Variants in ZPBP observed in about 807,000 individuals in gnomAD.
The protein encoded by ZPBP is zona pellucida binding protein.
A neutral mutation model predicts 44.8 loss-of-function variants in ZPBP; 26 were observed. That is an observed-to-expected ratio of 0.58 (90% CI 0.43 to 0.81). The LOEUF is 0.81. Among genes scored for constraint, ZPBP ranks in the 30% least tolerant of loss-of-function variants. The pLI is 0.00. For synonymous variants in ZPBP, 174 were observed against 153.2 expected, an observed-to-expected ratio of 1.14 and a Z score of -1.00; for missense variants, 409 against 434.0, an observed-to-expected ratio of 0.94 and a Z score of 0.51.
rs141043550 is a variant in ZPBP at position 50,092,190 on chromosome 7, C to T, written c.127+878G>A. Among the ~76,000 whole-genome samples the T allele has an allele frequency of 8.0e-3, 1,226 of 152,306 alleles. 18 individuals are homozygous for T. Among genetic ancestry groups the T allele is most frequent in the South Asian group, 0.068 (327 of 4,826 alleles). On this transcript the variant is annotated intron_variant, in intron 1 of 7. Coordinates refer to ENST00000046087, the MANE Select transcript of ZPBP (RefSeq NM_007009.3). Reference sequence around the variant, plus strand: ...CCCTTTCACACCTAATACACGACCACGACCCATATCCAAGAAGCATCTTTC... The same window carrying T: ...CCCTTTCACACCTAATACACGACCATGACCCATATCCAAGAAGCATCTTTC...
At chr7:50,036,895 C>CA (rs914603784) in intron 4 of ZPBP, among the ~76,000 whole-genome samples, 1 of 151,070 alleles carries the variant, frequency 6.6e-6, no homozygotes, top group African/African-American at 2.4e-5. Flanking sequence ...CTGAGAAATA[C>CA]AAAAAATAAT....
At chr7:49,869,442 AGGGTAGCAAATC>A (rs1791041321) in intron 2 of ZPBP, among the ~76,000 whole-genome samples, 1 of 152,242 alleles carries the variant, frequency 6.6e-6, no homozygotes, top group African/African-American at 2.4e-5. Context: ...AGCCTACACT[AGGGTAGCAAATC>A]GGATATAGGG....
chr7:49,856,305 G>A (rs1274103447), intron 2 of ZPBP, among the ~76,000 whole-genome samples: 1 of 152,076 alleles, frequency 6.6e-6, no homozygotes, highest in African/African-American at 2.4e-5. Context: ...TATCTCAAGT[G>A]AAATCTGGTT....
intron 7 of ZPBP, among the ~76,000 whole-genome samples, chr7:49,971,129 C>T (rs7800976): frequency 0.46 from 70,542 of 151,780 alleles, 16,675 homozygotes; most frequent in Non-Finnish European, 0.5. Context: ...AAGACTTATG[C>T]CATCCAGCAA....
At chr7:49,873,909 A>T (rs949828442) in intron 2 of ZPBP, among the ~76,000 whole-genome samples, 2 of 150,478 alleles carry the variant, frequency 1.3e-5, no homozygotes, top group Non-Finnish European at 3.0e-5. Context: ...AATTAAGTAA[A>T]AAAAAAAAAC....
At chr7:49,939,847 T>C (rs1266676487) in intron 7 of ZPBP, among the ~76,000 whole-genome samples, 1 of 152,106 alleles carries the variant, frequency 6.6e-6, no homozygotes, top group Non-Finnish European at 1.5e-5. Context: ...ATACTTTGTG[T>C]TTCTCTGAAG....
chr7:49,884,966 A>T (rs1368351715), intron 2 of ZPBP, among the ~76,000 whole-genome samples: 1 of 152,150 alleles, frequency 6.6e-6, no homozygotes, highest in Non-Finnish European at 1.5e-5. Flanking sequence ...AAATAAAAAG[A>T]TGAAAAGTAT....
At chr7:50,023,637 C>G (rs1799195357) in intron 5 of ZPBP, among the ~76,000 whole-genome samples, 1 of 151,964 alleles carries the variant, frequency 6.6e-6, no homozygotes, top group Non-Finnish European at 1.5e-5. Flanking sequence ...CAATTAAACA[C>G]AGTTTCAAGA....
chr7:49,932,619 T>C (rs908490482), downstream of ZPBP, among the ~76,000 whole-genome samples: 5 of 152,150 alleles, frequency 3.3e-5, no homozygotes, highest in Non-Finnish European at 7.3e-5. Context: ...TTGTCTCAGA[T>C]TGAGTTAATG....
At chr7:50,036,940 T>C (rs945958679) in intron 4 of ZPBP, among the ~76,000 whole-genome samples, 1 of 151,772 alleles carries the variant, frequency 6.6e-6, no homozygotes, top group Non-Finnish European at 1.5e-5. Context: ...AAATCCATGA[T>C]ACATAAAGAA....
intron 2 of ZPBP, among the ~76,000 whole-genome samples, chr7:49,884,980 A>G (rs879884173): frequency 3.3e-5 from 5 of 152,156 alleles, no homozygotes; most frequent in African/African-American, 9.6e-5. Context: ...AAAGTATCAA[A>G]TTTTTGAAAT....
At chr7:50,086,959 C>T (rs919544460) in intron 2 of ZPBP, among the ~76,000 whole-genome samples, 2 of 151,808 alleles carry the variant, frequency 1.3e-5, no homozygotes, top group African/African-American at 2.4e-5. Flanking sequence ...GCAACTTATC[C>T]CACACAAGTA....
chr7:49,847,434 G>T (rs2128715225), downstream of ZPBP, among the ~76,000 whole-genome samples: 1 of 152,160 alleles, frequency 6.6e-6, no homozygotes, highest in South Asian at 2.1e-4. Context: ...GAGCCTTGCA[G>T]GGATCCCTGA....
chr7:49,939,587 CA>C (rs997049171), intron 7 of ZPBP, among the ~76,000 whole-genome samples: 4 of 150,624 alleles, frequency 2.7e-5, no homozygotes, highest in African/African-American at 7.3e-5. Flanking sequence ...TGATAAAGTA[CA>C]AAAAAAAGTT....
chr7:49,938,103 C>A (rs1794688331), intron 7 of ZPBP, among the ~76,000 whole-genome samples: 1 of 152,184 alleles, frequency 6.6e-6, no homozygotes. Flanking sequence ...TAGACCAGTA[C>A]TGTTCCCTGG....
intron 7 of ZPBP, among the ~76,000 whole-genome samples, chr7:49,963,373 C>T (rs888213468): frequency 1.3e-5 from 2 of 151,684 alleles, no homozygotes; most frequent in Admixed American, 6.6e-5. Flanking sequence ...CACGATTTAA[C>T]TCTTATGTAT....
chr7:50,003,959 T>C (rs1176222307), intron 6 of ZPBP, among the ~76,000 whole-genome samples: 1 of 152,088 alleles, frequency 6.6e-6, no homozygotes, highest in Admixed American at 6.6e-5. Flanking sequence ...AGAACATGGA[T>C]AGATGAACAA....
At chr7:49,860,041 A>G (rs372264854) in intron 2 of ZPBP, among the ~76,000 whole-genome samples, 2 of 152,136 alleles carry the variant, frequency 1.3e-5, no homozygotes, top group Non-Finnish European at 2.9e-5. Flanking sequence ...TTAAAGTTTC[A>G]TAATTTTATC....
chr7:50,049,291 A>C (rs1419961565), intron 4 of ZPBP, among the ~76,000 whole-genome samples: 4 of 152,226 alleles, frequency 2.6e-5, no homozygotes, highest in Admixed American at 1.3e-4. Flanking sequence ...TTGGAACAGA[A>C]GGGAATACAC....
Sources: allele counts gnomAD v4.1 joint callset (sites outside exome capture counted in the v4.1 genomes callset), GRCh38; gene constraint gnomAD v4.1.1; transcripts MANE v1.5; gene names NCBI Gene and HGNC (gene_info 2026-07-23, HGNC 2026-07-21).